The following SEPTIN14 variants were observed in gnomAD, a reference collection of about 807,000 sequenced individuals.
SEPTIN14 encodes the protein septin-14.
Under a neutral mutation model 53.6 loss-of-function variants are expected in SEPTIN14, and 40 were observed. That is an observed-to-expected ratio of 0.75 (90% confidence interval 0.58 to 0.97). The LOEUF is 0.97. SEPTIN14 is among the 50% of genes least tolerant of loss of function. The pLI is 0.00. For synonymous variants in SEPTIN14, 138 were observed against 166.8 expected (o/e 0.83, Z 1.33); for missense variants, 471 against 508.2 (o/e 0.93, Z 0.70).
intron 9 of SEPTIN14, 129 bp downstream of exon 9, chr7:55,805,129 T>G: frequency 1.3e-6 from 1 of 774,518 alleles, no homozygotes. Context: ...GTCTACATGG[T>G]AAAAAGCTAC....
At chr7:55,798,275 T>TG (rs1788465495) in intron 9 of SEPTIN14, 1 of 461,320 alleles carries the variant, frequency 2.2e-6, no homozygotes, top group South Asian at 5.4e-5. Context: ...GTCCACCAGG[T>TG]GGGACAGGGA....
At chr7:55,811,584 C>T (rs527597498) in intron 7 of SEPTIN14, among the ~76,000 whole-genome samples, 16 of 148,598 alleles carry the variant, frequency 1.1e-4, no homozygotes, top group Non-Finnish European at 2.4e-4. Context: ...TCACTGCAAC[C>T]TCCGCCTCCC....
chr7:55,849,218 G>A (rs1331429029), intron 2 of SEPTIN14, among the ~76,000 whole-genome samples: 6 of 150,448 alleles, frequency 4.0e-5, no homozygotes, highest in African/African-American at 7.4e-5. Context: ...CCAGCTACTC[G>A]GGAGGCTGAG....
At position 55,794,755 on chromosome 7, in the gene SEPTIN14, A is replaced by G. The variant is rs1464714728; in HGVS notation, c.*1158T>C. The G allele has an allele frequency of 6.6e-6, 1 of 152,154 alleles. No individual in the cohort carries two copies. The highest frequency in any genetic ancestry group is 1.5e-5 in the Non-Finnish European group (1 of 68,072). 9.4% of individuals were successfully genotyped at this position (152,154 alleles called of 1,614,324 possible). A position where few individuals can be genotyped will look rare whatever the true frequency, so the allele number is the denominator to read the frequency against. On this transcript the variant is annotated 3_prime_UTR_variant, in exon 10 of 10. Transcript: ENST00000388975. ...AACCTCTGCCTCCTGGCTACAAGCG[A>G]TTCTCCTGCCTCAGCTTTCCGAGTA...
intron 9 of SEPTIN14, among the ~76,000 whole-genome samples, chr7:55,804,294 C>T (rs1257048584): frequency 2.7e-5 from 4 of 149,276 alleles, no homozygotes; most frequent in Non-Finnish European, 4.4e-5. Context: ...CGGAGTCTCA[C>T]TCTCGCCCAG....
chr7:55,844,317 T>A (rs1429934103), intron 4 of SEPTIN14, among the ~76,000 whole-genome samples: 1 of 152,088 alleles, frequency 6.6e-6, no homozygotes, highest in African/African-American at 2.4e-5. Flanking sequence ...ATATTTAAAA[T>A]TTTTTGCTAT....
At chr7:55,851,467 A>G (rs916109344) in intron 2 of SEPTIN14, among the ~76,000 whole-genome samples, 2 of 152,156 alleles carry the variant, frequency 1.3e-5, no homozygotes, top group African/African-American at 4.8e-5. Flanking sequence ...TTGTATATAA[A>G]AAAGATTATA....
intron 9 of SEPTIN14, among the ~76,000 whole-genome samples, chr7:55,802,940 C>CT (rs1376207267): frequency 0.015 from 2,215 of 145,540 alleles, 56 homozygotes; most frequent in African/African-American, 0.047. Flanking sequence ...TGAAACTGAA[C>CT]TTTTTTTTTT....
intron 6 of SEPTIN14, 127 bp downstream of exon 6, chr7:55,834,298 A>G: frequency 1.6e-6 from 1 of 609,540 alleles, no homozygotes; most frequent in Middle Eastern, 4.6e-4. Flanking sequence ...ATCTAAATAA[A>G]TCTGTTTACA....
chr7:55,795,996 A>T lies in SEPTIN14; in HGVS notation c.1216T>A (p.Phe406Ile). Residue 406 changes from phenylalanine (F) to isoleucine (I), a missense_variant, in exon 10 of 10, where the codon TTT (phenylalanine) becomes ATT (isoleucine). Transcript: ENST00000388975. Reference sequence around the variant, plus strand: ...TCGGAGGCAGCTTTCATTTTATAAAAATCTATGATTTCTCCTTCCAGTTGT... The same window carrying T: ...TCGGAGGCAGCTTTCATTTTATAAATATCTATGATTTCTCCTTCCAGTTGT... The part of the protein sequence containing the change: ...KKQLEGEIID[F>I]YKMKAASEAL... The T allele has an allele frequency of 1.3e-6, 2 of 1,580,280 alleles. No homozygotes were observed. The highest frequency in any genetic ancestry group is 1.7e-6 in the Non-Finnish European group (2 of 1,165,274).
chr7:55,833,940 T>G (rs1234220090), intron 6 of SEPTIN14, among the ~76,000 whole-genome samples: 1 of 151,818 alleles, frequency 6.6e-6, no homozygotes, highest in African/African-American at 2.4e-5. Context: ...ACTTGACAAC[T>G]TAGAAGAAAT....
At chr7:55,849,790 T>C (rs1789488082) in intron 2 of SEPTIN14, among the ~76,000 whole-genome samples, 1 of 152,034 alleles carries the variant, frequency 6.6e-6, no homozygotes, top group African/African-American at 2.4e-5. Context: ...AAAACACAAA[T>C]TGCTCATAGC....
At position 55,822,836 on chromosome 7, in the gene SEPTIN14, C is replaced by G. The variant is rs77230688; in HGVS notation, c.721-3613G>C. 4.0e-3 allele frequency among the ~76,000 whole-genome samples: 567 copies of G among 141,752 alleles called. 14 individuals are homozygous for G. The East Asian group carries it at 0.062, about 16-fold the overall frequency. The allele number at this position is 141,752 out of a possible 152,430, so 93.0% of individuals were successfully genotyped here. A position where few individuals can be genotyped will look rare whatever the true frequency, so the allele number is the denominator to read the frequency against. ...TCCTAATTAGAGAAAGGGAGTCAGGCTGGTGGGAGCAGGGGAAAGCAAAAA... is the reference window on the plus strand; with the variant it reads ...TCCTAATTAGAGAAAGGGAGTCAGGGTGGTGGGAGCAGGGGAAAGCAAAAA... On this transcript the variant is annotated intron_variant, in intron 6 of 9. Transcript: ENST00000388975.
intron 2 of SEPTIN14, among the ~76,000 whole-genome samples, chr7:55,851,654 G>A (rs866106298): frequency 1.3e-5 from 2 of 152,004 alleles, no homozygotes; most frequent in Non-Finnish European, 2.9e-5. Context: ...TCATACCACC[G>A]AAAGCAATCT....
intron 9 of SEPTIN14, among the ~76,000 whole-genome samples, chr7:55,801,481 C>T (rs1037978004): frequency 2.0e-5 from 3 of 151,994 alleles, no homozygotes; most frequent in African/African-American, 4.8e-5. Flanking sequence ...TATAACCACA[C>T]GATCTACGAA....
intron 2 of SEPTIN14, among the ~76,000 whole-genome samples, chr7:55,860,935 C>T (rs1789732354): frequency 6.6e-6 from 1 of 152,158 alleles, no homozygotes; most frequent in Admixed American, 6.6e-5. Flanking sequence ...ATATAAATTA[C>T]CAAGTCTGAG....
intron 5 of SEPTIN14, among the ~76,000 whole-genome samples, chr7:55,836,762 G>A (rs1341769337): frequency 1.3e-5 from 2 of 151,540 alleles, no homozygotes; most frequent in African/African-American, 4.9e-5. Flanking sequence ...ACAACAAAAA[G>A]AGTGTATATT....
At chr7:55,798,151 A>C (rs1727095530) in intron 9 of SEPTIN14, 2 of 203,774 alleles carry the variant, frequency 9.8e-6, no homozygotes, top group African/African-American at 4.7e-5. Context: ...CTGGTACTCC[A>C]TCTCCTTCCT....
chr7:55,824,083 A>G (rs952356181), intron 6 of SEPTIN14, among the ~76,000 whole-genome samples: 1 of 152,182 alleles, frequency 6.6e-6, no homozygotes, highest in African/African-American at 2.4e-5. Context: ...TGAATTTAGC[A>G]ATGACTTCAT....
Sources: gnomAD v4.1 joint callset for allele counts (sites outside exome capture counted in the v4.1 genomes callset) on GRCh38, gnomAD v4.1.1 for gene constraint, MANE v1.5 for transcripts, NCBI Gene and HGNC (gene_info 2026-07-23, HGNC 2026-07-21) for gene names.